Variants in TRAPPC3L observed in about 807,000 individuals in gnomAD.
TRAPPC3L encodes trafficking protein particle complex subunit 3-like protein.
In TRAPPC3L, 23 loss-of-function variants were observed where a neutral mutation model predicts 23.7. That is an observed-to-expected ratio of 0.97 (90% CI 0.70 to 1.37). The LOEUF (loss-of-function observed/expected upper bound fraction) is 1.37. Among genes scored for constraint, TRAPPC3L ranks in the 40% most tolerant of loss-of-function variants. The pLI is 0.00. For synonymous variants in TRAPPC3L, 81 were observed against 77.9 expected (o/e 1.04, Z -0.21); for missense variants, 212 against 216.8 (o/e 0.98, Z 0.14).
chr6:116,515,744 A>G (rs373925387), intron 3 of TRAPPC3L: 1 of 1,614,038 alleles, frequency 6.2e-7, no homozygotes, highest in African/African-American at 1.3e-5. Context: ...GTTGGAAAAT[A>G]CATTTCTGGA....
chr6:116,525,354 A>C (rs565304340), intron 3 of TRAPPC3L, among the ~76,000 whole-genome samples: 43 of 152,274 alleles, frequency 2.8e-4, no homozygotes, highest in African/African-American at 9.6e-4. Flanking sequence ...TTGGGTTTCT[A>C]AATATTTAGG....
At chr6:116,512,403 C>T (rs1206296752) in intron 3 of TRAPPC3L, 2 of 752,558 alleles carry the variant, frequency 2.7e-6, no homozygotes, top group Admixed American at 3.0e-5. Context: ...TTTTGAAAGG[C>T]TGGGTGGCTC....
chr6:116,498,087 T>TTAAG (rs546756006), intron 4 of TRAPPC3L, among the ~76,000 whole-genome samples: 283 of 152,352 alleles, frequency 1.9e-3, no homozygotes, highest in African/African-American at 6.2e-3. Context: ...ATAAGACTTT[T>TTAAG]TAAGTCTTTG....
intron 3 of TRAPPC3L, among the ~76,000 whole-genome samples, chr6:116,537,604 T>C (rs915932150): frequency 7.2e-5 from 11 of 152,184 alleles, no homozygotes; most frequent in African/African-American, 2.7e-4. Flanking sequence ...GAAAGAACTC[T>C]TGTTCTATTT....
intron 3 of TRAPPC3L, chr6:116,522,303 G>T (rs1288992349): frequency 1.3e-5 from 2 of 152,160 alleles, no homozygotes; most frequent in Non-Finnish European, 2.9e-5. Flanking sequence ...CCAACTCCAT[G>T]ACCCCAAAAA....
chr6:116,530,974 G>C (rs1294191622), intron 3 of TRAPPC3L, among the ~76,000 whole-genome samples: 1 of 134,104 alleles, frequency 7.5e-6, no homozygotes, highest in African/African-American at 2.8e-5. Flanking sequence ...AGAAGAACAA[G>C]ATATTTGTCA....
rs754409115 is a variant in TRAPPC3L at position 116,500,571 on chromosome 6, C to G, written c.336G>C (p.Leu112=). 7 of 1,551,624 alleles carry G rather than the reference C, an allele frequency of 4.5e-6. No individual in the cohort carries two copies. Among genetic ancestry groups the G allele is most frequent in the Non-Finnish European group, 6.1e-6 (7 of 1,146,978 alleles). Residue 112 remains leucine, a synonymous_variant, in exon 4 of 5, where the codon CTG becomes CTC. Coordinates refer to ENST00000368602, the MANE Select transcript of TRAPPC3L (RefSeq NM_001139444.3). The part of the protein sequence containing the change: ...EFSLILEKNP[L]VEFVEELPAG... ...CAGGGAGCTCTTCCACAAACTCCAC[C>G]AGGGGATTCTTCTCTAGAATCAGGG...
At chr6:116,536,286 G>A (rs958872264) in intron 3 of TRAPPC3L, among the ~76,000 whole-genome samples, 4 of 152,100 alleles carry the variant, frequency 2.6e-5, no homozygotes, top group Admixed American at 1.3e-4. Context: ...TGCCTTCAAT[G>A]ATTTGGCCAT....
At chr6:116,534,996 T>C (rs1181198668) in intron 3 of TRAPPC3L, among the ~76,000 whole-genome samples, 1 of 152,196 alleles carries the variant, frequency 6.6e-6, no homozygotes, top group Non-Finnish European at 1.5e-5. Context: ...GTAATCATCA[T>C]ATTGACATGG....
intron 3 of TRAPPC3L, among the ~76,000 whole-genome samples, chr6:116,509,795 G>C (rs1232316788): frequency 6.6e-6 from 1 of 152,052 alleles, no homozygotes; most frequent in Non-Finnish European, 1.5e-5. Flanking sequence ...GACCCAAAAA[G>C]CAAATGCAAC....
At chr6:116,516,196 C>T (rs775363505) in intron 3 of TRAPPC3L, 2 of 555,550 alleles carry the variant, frequency 3.6e-6, no homozygotes, top group Non-Finnish European at 2.8e-6. Flanking sequence ...CAAAGGTGCT[C>T]TTGCATTGGT....
At chr6:116,500,343 A>T in intron 4 of TRAPPC3L, 138 bp downstream of exon 4, 3 of 787,172 alleles carry the variant, frequency 3.8e-6, no homozygotes, top group Non-Finnish European at 5.8e-6. Flanking sequence ...TTAAGCTGCT[A>T]CATTTTGGGG....
intron 3 of TRAPPC3L, among the ~76,000 whole-genome samples, chr6:116,509,370 A>C (rs1042141819): frequency 2.0e-5 from 3 of 152,290 alleles, no homozygotes; most frequent in Middle Eastern, 3.4e-3. Flanking sequence ...GAACCAAAAA[A>C]AGAGCCCCAA....
At chr6:116,533,813 G>A (rs374037363) in intron 3 of TRAPPC3L, among the ~76,000 whole-genome samples, 7 of 152,132 alleles carry the variant, frequency 4.6e-5, no homozygotes, top group Non-Finnish European at 7.4e-5. Context: ...TGACTGGCAG[G>A]GCATAGAATA....
chr6:116,533,580 G>A (rs1221634763), intron 3 of TRAPPC3L, among the ~76,000 whole-genome samples: 1 of 152,210 alleles, frequency 6.6e-6, no homozygotes, highest in Non-Finnish European at 1.5e-5. Context: ...AGAAATGTAA[G>A]TAACAATCAG....
chr6:116,536,894 T>A (rs1773129131), intron 3 of TRAPPC3L, among the ~76,000 whole-genome samples: 1 of 151,576 alleles, frequency 6.6e-6, no homozygotes, highest in African/African-American at 2.4e-5. Flanking sequence ...CTGAGGAGAG[T>A]TTACAAGGAT....
At chr6:116,513,880 T>A (rs1279580754) in intron 3 of TRAPPC3L, among the ~76,000 whole-genome samples, 16 of 152,190 alleles carry the variant, frequency 1.1e-4, no homozygotes, top group Non-Finnish European at 1.5e-4. Context: ...GTTTGTATGC[T>A]GATGCTACCA....
intron 3 of TRAPPC3L, chr6:116,515,545 G>C (rs910518442): frequency 1.9e-5 from 29 of 1,524,378 alleles, no homozygotes; most frequent in Admixed American, 1.2e-4. Flanking sequence ...TAATACCCCA[G>C]CTCCCTAAAT....
At chr6:116,498,744 T>C (rs1771869000) in intron 4 of TRAPPC3L, among the ~76,000 whole-genome samples, 1 of 152,224 alleles carries the variant, frequency 6.6e-6, no homozygotes, top group South Asian at 2.1e-4. Context: ...TTTGCTGTAC[T>C]TGTTCTTATT....
Sources: gnomAD v4.1 joint callset for allele counts (sites outside exome capture counted in the v4.1 genomes callset) on GRCh38, gnomAD v4.1.1 for gene constraint, MANE v1.5 for transcripts, NCBI Gene and HGNC (gene_info 2026-07-23, HGNC 2026-07-21) for gene names.